SAMD4A: variants seen among roughly 807,000 people sequenced by gnomAD.
SAMD4A encodes sterile alpha motif domain containing 4A.
In SAMD4A, 33 loss-of-function variants were observed where a neutral mutation model predicts 81.3. That is an observed-to-expected ratio of 0.41 (90% CI 0.31 to 0.54). The LOEUF (loss-of-function observed/expected upper bound fraction) is 0.54. Ranked by LOEUF, SAMD4A falls within the 20% of genes least tolerant of loss-of-function variation. The pLI, the probability that SAMD4A is intolerant of heterozygous loss-of-function variation, is 0.37. For synonymous variants in SAMD4A, 389 were observed against 382.1 expected (o/e 1.02, Z -0.21); for missense variants, 854 against 951.1 (o/e 0.90, Z 1.34).
chr14:54,600,832 C>T (rs151069115), intron 2 of SAMD4A, among the ~76,000 whole-genome samples: 1 of 152,246 alleles, frequency 6.6e-6, no homozygotes, highest in Middle Eastern at 3.4e-3. Flanking sequence ...ATCTGCAGGG[C>T]GGGTTAGTCA....
chr14:54,651,242 C>T (rs1372268681), intron 2 of SAMD4A, among the ~76,000 whole-genome samples: 2 of 152,176 alleles, frequency 1.3e-5, no homozygotes, highest in African/African-American at 4.8e-5. Flanking sequence ...CTTTGGTGCT[C>T]CTTAAGTCTC....
At chr14:54,750,502 C>T (rs1394048885) in intron 5 of SAMD4A, among the ~76,000 whole-genome samples, 4 of 152,132 alleles carry the variant, frequency 2.6e-5, no homozygotes, top group African/African-American at 9.7e-5. Flanking sequence ...CATTGCTACC[C>T]AGTTAAGAAG....
chr14:54,746,080 T>TGGG (rs1368738090), intron 4 of SAMD4A, among the ~76,000 whole-genome samples: 1 of 152,202 alleles, frequency 6.6e-6, no homozygotes, highest in African/African-American at 2.4e-5. Context: ...TTCCTGACTT[T>TGGG]GGGGGAATGA....
At chr14:54,636,277 G>A (rs934237770) in intron 2 of SAMD4A, among the ~76,000 whole-genome samples, 5 of 152,278 alleles carry the variant, frequency 3.3e-5, no homozygotes, top group African/African-American at 1.2e-4. Flanking sequence ...TGGGATGTAC[G>A]AGGAGGCTGG....
chr14:54,754,101 G>C (rs985798883), intron 6 of SAMD4A, among the ~76,000 whole-genome samples: 2 of 152,242 alleles, frequency 1.3e-5, no homozygotes, highest in Non-Finnish European at 2.9e-5. Flanking sequence ...CCACCTGGGA[G>C]ACAAATTACC....
intron 2 of SAMD4A, among the ~76,000 whole-genome samples, chr14:54,666,511 GTGTT>G (rs1247681192): frequency 1.3e-5 from 2 of 152,134 alleles, no homozygotes; most frequent in South Asian, 2.1e-4. Flanking sequence ...TTTTCAATCT[GTGTT>G]TGGTTGAATA....
At chr14:54,754,975 A>C in intron 6 of SAMD4A, 4 of 393,228 alleles carry the variant, frequency 1.0e-5, no homozygotes, top group Non-Finnish European at 1.4e-5. Flanking sequence ...ATATGATCTC[A>C]CAACCCAGTC....
At position 54,567,931 on chromosome 14, in the gene SAMD4A, C is replaced by T; in HGVS notation, c.15C>T (p.Asp5=). The T allele has an allele frequency of 1.9e-6, 3 of 1,608,360 alleles. No individual in the cohort carries two copies. The highest frequency in any genetic ancestry group is 1.7e-5 in the Admixed American group (1 of 59,768). Residue 5 remains aspartate (D), a synonymous_variant, in exon 2 of 13, where the codon GAC becomes GAT. Coordinates refer to ENST00000554335, the MANE Select transcript of SAMD4A (RefSeq NM_015589.6). ...GCCCCCTAACCATGATGTTTCGCGA[C>T]CAGGTCGGGGTGCTGGCGGGCTGGT... MMFR[D]QVGVLAGWFK...
chr14:54,605,743 A>G (rs2034180132), intron 2 of SAMD4A, among the ~76,000 whole-genome samples: 1 of 152,052 alleles, frequency 6.6e-6, no homozygotes, highest in African/African-American at 2.4e-5. Context: ...TCATAAACAT[A>G]TTTGTGTGTA....
chr14:54,747,056 C>T (rs2037986375), intron 4 of SAMD4A, among the ~76,000 whole-genome samples: 1 of 152,196 alleles, frequency 6.6e-6, no homozygotes, highest in Admixed American at 6.5e-5. Context: ...GCTGCCATGT[C>T]CTGGACTCTT....
chr14:54,685,097 G>A (rs769428465), intron 2 of SAMD4A, among the ~76,000 whole-genome samples: 1 of 151,688 alleles, frequency 6.6e-6, no homozygotes, highest in Non-Finnish European at 1.5e-5. Context: ...TTATCTTTTT[G>A]TATTTTTTTA....
chr14:54,726,823 G>A (rs1240865023), intron 3 of SAMD4A, among the ~76,000 whole-genome samples: 1 of 152,036 alleles, frequency 6.6e-6, no homozygotes, highest in Non-Finnish European at 1.5e-5. Flanking sequence ...GAGAACCACC[G>A]GTCTAGGAGA....
At chr14:54,708,146 G>C (rs2036904063) in intron 3 of SAMD4A, among the ~76,000 whole-genome samples, 1 of 152,224 alleles carries the variant, frequency 6.6e-6, no homozygotes, top group African/African-American at 2.4e-5. Context: ...CTCAAACCAG[G>C]ATGGCTACAG....
At chr14:54,576,844 C>A (rs2033312563) in intron 2 of SAMD4A, among the ~76,000 whole-genome samples, 1 of 152,198 alleles carries the variant, frequency 6.6e-6, no homozygotes, top group Non-Finnish European at 1.5e-5. Context: ...CAGCCACTGT[C>A]TGCCTAAAGG....
At chr14:54,777,740 C>T (rs566514051) in intron 11 of SAMD4A, among the ~76,000 whole-genome samples, 10 of 152,184 alleles carry the variant, frequency 6.6e-5, no homozygotes, top group East Asian at 3.9e-4. Context: ...CTGCTGGGAA[C>T]GGCATGTCAG....
intron 2 of SAMD4A, among the ~76,000 whole-genome samples, chr14:54,626,051 T>TGCGC (rs1369113276): frequency 7.7e-6 from 1 of 129,536 alleles, no homozygotes; most frequent in East Asian, 2.1e-4. Flanking sequence ...TGTGTGTGTG[T>TGCGC]GTGTGTGTGC....
intron 2 of SAMD4A, among the ~76,000 whole-genome samples, chr14:54,581,060 G>A (rs1396559038): frequency 6.6e-6 from 1 of 152,188 alleles, no homozygotes; most frequent in African/African-American, 2.4e-5. Flanking sequence ...GAAGACCTGG[G>A]TTAGGGTCTT....
At position 54,714,732 on chromosome 14, in the gene SAMD4A, T is replaced by A. The variant is rs146937711; in HGVS notation, c.715+12152T>A. Among the ~76,000 whole-genome samples the A allele has an allele frequency of 2.6e-4, 39 of 152,280 alleles. No homozygotes were observed. The Middle Eastern group carries it at 0.024, about 93-fold the overall frequency. ...TTGCCAGTAGGATAGCCCTTATTGT[T>A]GTCGTTATTACTGCTGGTAATAGTA... On this transcript the variant is annotated intron_variant, in intron 3 of 12. Transcript: ENST00000554335.
chr14:54,630,247 C>T (rs771891299), intron 2 of SAMD4A, among the ~76,000 whole-genome samples: 7 of 152,190 alleles, frequency 4.6e-5, no homozygotes, highest in Non-Finnish European at 7.4e-5. Context: ...TTTTGAGGAA[C>T]TGCCATACTG....
Sources: allele counts gnomAD v4.1 joint callset (sites outside exome capture counted in the v4.1 genomes callset), GRCh38; gene constraint gnomAD v4.1.1; transcripts MANE v1.5; gene names NCBI Gene and HGNC (gene_info 2026-07-23, HGNC 2026-07-21).